BEST3: variants seen among roughly 807,000 people sequenced by gnomAD.
The protein encoded by BEST3 is bestrophin 3, also known as bestrophin-3.
In BEST3, 50 loss-of-function variants were observed where a neutral mutation model predicts 47.1. That is an observed-to-expected ratio of 1.06 (90% CI 0.85 to 1.34). The LOEUF (loss-of-function observed/expected upper bound fraction) is 1.34, where lower values mean the gene tolerates loss of function less well. Ranked by LOEUF, BEST3 falls within the 40% of genes most tolerant of loss-of-function variation. The pLI, the probability that BEST3 is intolerant of heterozygous loss-of-function variation, is 0.00. For synonymous variants in BEST3, 282 were observed against 298.8 expected (o/e 0.94, Z 0.58); for missense variants, 765 against 817.0 (o/e 0.94, Z 0.78).
chr12:69,693,367 G>T lies in BEST3; in HGVS notation c.481+307C>A, dbSNP rs1205268059. ...CTGCCTCCGCCTCCCGGGTTCAAGTGATTCTCATGCCTCAGCCTCCCCAGT... is the reference window on the plus strand; with the variant it reads ...CTGCCTCCGCCTCCCGGGTTCAAGTTATTCTCATGCCTCAGCCTCCCCAGT... On this transcript the variant is annotated intron_variant, in intron 4 of 9. Transcript: ENST00000330891. 2.0e-5 allele frequency among the ~76,000 whole-genome samples: 3 copies of T among 150,982 alleles called. No homozygotes were observed. The East Asian group carries it at 5.9e-4, about 30-fold the overall frequency.
Position 69,655,086 on chromosome 12 carries a change from G to A in BEST3, c.1828C>T (p.Pro610Ser), listed in dbSNP as rs780985274. 3.1e-6 allele frequency: 5 copies of A among 1,614,160 alleles called. No homozygotes were observed. The highest frequency in any genetic ancestry group is 4.2e-6 in the Non-Finnish European group (5 of 1,180,030). Reference protein sequence around the residue: ...HTSLGNLSPDPMSSQPALLID... With the variant: ...HTSLGNLSPDSMSSQPALLID... ...AAAAGAGCTGGCTGAGAGCTCATGG[G>A]GTCTGGACTTAGGTTTCCCAGGGAA... Residue 610 changes from proline to serine, a missense_variant, in exon 10 of 10, where the codon CCC (proline) becomes TCC (serine). Transcript: ENST00000330891.
Position 69,654,822 on chromosome 12 carries a change from C to T in BEST3, c.*85G>A. The T allele has an allele frequency of 6.6e-7, 1 of 1,509,364 alleles. No individual in the cohort carries two copies. The allele number at this position is 1,509,364 out of a possible 1,614,324, so 93.5% of individuals were successfully genotyped here. On this transcript the variant is annotated 3_prime_UTR_variant, in exon 10 of 10. Transcript: ENST00000330891. ...TCATGTTTTTTAAAAAGTCGACCAG[C>T]CTTCAGGTATGTCCTGGGCCTAATA...
exon 10 of BEST3, chr12:69,643,689 C>A: frequency 2.9e-6 from 2 of 688,408 alleles, no homozygotes; most frequent in South Asian, 3.2e-5. Context: ...AGTGTTGTAC[C>A]TTTAACCACC....
chr12:69,677,036 A>G lies in BEST3; in HGVS notation c.747T>C (p.Phe249=), dbSNP rs1884968356. The part of the protein sequence containing the change: ...VVTLAVYTFF[F]ACLIGRQFLD... ...AAAACTGGCGTCCAATCAGGCACGC[A>G]AAGAAGAAGGTATAGACAGCAAGAG... Residue 249 remains phenylalanine, a synonymous_variant, in exon 7 of 10, where the codon TTT becomes TTC. Transcript: ENST00000330891. 1 of 1,614,226 alleles carries G rather than the reference A, an allele frequency of 6.2e-7. No individual in the cohort carries two copies. Among genetic ancestry groups the G allele is most frequent in the Non-Finnish European group, 8.5e-7 (1 of 1,180,040 alleles).
intron 9 of BEST3, chr12:69,670,586 TAGA>T: frequency 1.4e-6 from 1 of 701,872 alleles, no homozygotes; most frequent in Non-Finnish European, 2.6e-6. Context: ...CTCCTGAAAG[TAGA>T]AGGAGGAGGG....
In BEST3 at chr12:69,655,357, GT is replaced by G; in HGVS notation, c.1556del (p.His519ProfsTer9). On this transcript the variant is annotated frameshift_variant, in exon 10 of 10. Coordinates refer to ENST00000330891, the MANE Select transcript of BEST3 (RefSeq NM_032735.3). LOFTEE classifies it low-confidence loss of function (END_TRUNC). ...EAPVPTSGGY[H>X]HDSATSILSS... is the part of the protein sequence containing the mutation. ...TCAAGATGGAGGTAGCGGAATCATG[GT>G]GGTAGCCCCCTGATGTGGGCACTGG... is the stretch of plus-strand genomic sequence containing the variant. 1 of 1,614,160 alleles carries G rather than the reference GT, an allele frequency of 6.2e-7. No individual in the cohort carries two copies. Among genetic ancestry groups the G allele is most frequent in the Non-Finnish European group, 8.5e-7 (1 of 1,180,036 alleles).
intron 9 of BEST3, among the ~76,000 whole-genome samples, chr12:69,662,735 G>A (rs775509): frequency 0.79 from 120,375 of 152,124 alleles, 47,835 homozygotes; most frequent in African/African-American, 0.86. Context: ...TCCTTAATTG[G>A]CTTCATAGAC....
chr12:69,693,635 C>G, intron 4 of BEST3, 39 bp downstream of exon 4: 1 of 1,455,732 alleles, frequency 6.9e-7, no homozygotes, highest in South Asian at 1.2e-5. Context: ...CCTGTCTCAG[C>G]TGAGAAGAGC....
intron 2 of BEST3, 71 bp downstream of exon 2, chr12:69,697,576 G>T (rs710710): frequency 0.41 from 530,118 of 1,281,254 alleles, 113,847 homozygotes; most frequent in East Asian, 0.76. Context: ...CAATCAAAAG[G>T]TTCAGATTTT....
chr12:69,674,959 T>G lies in BEST3; in HGVS notation c.867+1957A>C, dbSNP rs775500. Among the ~76,000 whole-genome samples the G allele has an allele frequency of 1.9e-3, 274 of 146,478 alleles. 1 individual carries two copies. Among genetic ancestry groups the G allele is most frequent in the African/African-American group, 6.8e-3 (270 of 39,562 alleles). The stretch of plus-strand genomic sequence containing the variant: ...GTTGCCCAGGCTGGAGTGCAATGGC[T>G]TGATCTCGGCTCACCGCAACCTCCG... On this transcript the variant is annotated intron_variant, in intron 7 of 9. Transcript: ENST00000330891.
chr12:69,685,480 G>A (rs1885525031), intron 4 of BEST3, among the ~76,000 whole-genome samples: 1 of 152,214 alleles, frequency 6.6e-6, no homozygotes, highest in South Asian at 2.1e-4. Flanking sequence ...GGTCTGGGGA[G>A]TTTTGAAAAA....
chr12:69,698,141 A>G (rs1292585763), intron 1 of BEST3, among the ~76,000 whole-genome samples: 1 of 152,236 alleles, frequency 6.6e-6, no homozygotes, highest in Non-Finnish European at 1.5e-5. Context: ...TGAGAATTTA[A>G]TTGATGGGGC....
At chr12:69,669,222 T>A (rs1303633387) in intron 9 of BEST3, among the ~76,000 whole-genome samples, 1 of 152,230 alleles carries the variant, frequency 6.6e-6, no homozygotes, top group Admixed American at 6.5e-5. Context: ...ACTCAGGGCT[T>A]CTGATCGCCT....
At chr12:69,698,496 AGCG>A (rs1227671302) in intron 1 of BEST3, among the ~76,000 whole-genome samples, 4 of 148,512 alleles carry the variant, frequency 2.7e-5, no homozygotes, top group African/African-American at 7.3e-5. Flanking sequence ...TGAAACAGAC[AGCG>A]CAAAGCTAAT....
chr12:69,686,352 G>A (rs1410069314), intron 4 of BEST3, among the ~76,000 whole-genome samples: 1 of 152,156 alleles, frequency 6.6e-6, no homozygotes, highest in Non-Finnish European at 1.5e-5. Context: ...ACGCAAATGT[G>A]GTTCTAACAG....
intron 9 of BEST3, among the ~76,000 whole-genome samples, chr12:69,657,754 G>A (rs1427936863): frequency 1.3e-5 from 2 of 152,164 alleles, no homozygotes; most frequent in African/African-American, 4.8e-5. Flanking sequence ...CCAAAGAAAC[G>A]TCGTTCCTCA....
At chr12:69,687,987 T>C (rs1278704440) in intron 4 of BEST3, among the ~76,000 whole-genome samples, 3 of 152,194 alleles carry the variant, frequency 2.0e-5, no homozygotes, top group African/African-American at 7.2e-5. Context: ...CAATAAACCT[T>C]TGTTGCATGA....
At chr12:69,686,771 CA>C (rs1555208491) in intron 4 of BEST3, among the ~76,000 whole-genome samples, 1 of 49,938 alleles carries the variant, frequency 2.0e-5, no homozygotes, top group African/African-American at 1.1e-4. Flanking sequence ...GATTCTGCCT[CA>C]AAAAAACAAA....
chr12:69,663,316 G>A (rs1883980045), intron 9 of BEST3, among the ~76,000 whole-genome samples: 1 of 152,158 alleles, frequency 6.6e-6, no homozygotes, highest in South Asian at 2.1e-4. Context: ...AGCAACACTG[G>A]CTTGAATTTA....
Sources: allele counts gnomAD v4.1 joint callset (sites outside exome capture counted in the v4.1 genomes callset), GRCh38; gene constraint gnomAD v4.1.1; transcripts MANE v1.5; gene names NCBI Gene and HGNC (gene_info 2026-07-23, HGNC 2026-07-21).